POLR3B: variants seen among roughly 807,000 people sequenced by gnomAD.
POLR3B encodes DNA-directed RNA polymerase III subunit RPC2.
POLR3B carries 96 observed loss-of-function variants against 147.4 expected under a neutral mutation model. The ratio of observed to expected loss-of-function variants is 0.65; its 90% CI spans 0.55 to 0.77. The LOEUF (loss-of-function observed/expected upper bound fraction) is 0.77. POLR3B is among the 30% of genes least tolerant of loss of function. The pLI, the probability that POLR3B is intolerant of heterozygous loss-of-function variation, is 0.00. For missense variants in POLR3B, 1,036 were observed against 1,413.5 expected, an observed-to-expected ratio of 0.73 and a Z score of 4.28; for synonymous variants, 461 against 485.9, an observed-to-expected ratio of 0.95 and a Z score of 0.67.
chr12:106,446,189 C>G (rs751652457), intron 19 of POLR3B: 1 of 455,236 alleles, frequency 2.2e-6, no homozygotes, highest in Non-Finnish European at 4.4e-6. Context: ...TTTACCAAAC[C>G]ATTTTGTTTC....
At chr12:106,359,329 C>CT (rs1342341768) in intron 1 of POLR3B, among the ~76,000 whole-genome samples, 40 of 116,092 alleles carry the variant, frequency 3.4e-4, no homozygotes, top group Admixed American at 1.2e-3. Flanking sequence ...TCAGGCAAAA[C>CT]TATTTTTTTT....
chr12:106,478,276 T>C (rs542394289), intron 23 of POLR3B, among the ~76,000 whole-genome samples: 2 of 152,286 alleles, frequency 1.3e-5, no homozygotes, highest in Admixed American at 1.3e-4. Flanking sequence ...GGCGTCTAGG[T>C]AAAACGTCAG....
chr12:106,414,778 A>C (rs1338134208), intron 12 of POLR3B, among the ~76,000 whole-genome samples: 2 of 152,182 alleles, frequency 1.3e-5, no homozygotes, highest in Admixed American at 1.3e-4. Flanking sequence ...GAGGACAGAG[A>C]CTGTATCTTT....
intron 20 of POLR3B, among the ~76,000 whole-genome samples, chr12:106,455,952 G>A (rs1045355734): frequency 6.6e-6 from 1 of 152,122 alleles, no homozygotes; most frequent in Non-Finnish European, 1.5e-5. Context: ...TTACCTGATT[G>A]ATTTCTAAAG....
chr12:106,421,713 T>A (rs556323133), intron 12 of POLR3B, among the ~76,000 whole-genome samples: 225 of 151,840 alleles, frequency 1.5e-3, no homozygotes, highest in African/African-American at 4.3e-3. Flanking sequence ...ATATATATAT[T>A]TTTTGAGACA....
chr12:106,496,517 CT>C, intron 24 of POLR3B: 1 of 603,520 alleles, frequency 1.7e-6, no homozygotes, highest in Middle Eastern at 4.4e-4. Flanking sequence ...GGACAAGTTG[CT>C]TATCCTTCCC....
At chr12:106,414,621 A>C (rs1409210286) in intron 12 of POLR3B, among the ~76,000 whole-genome samples, 2 of 151,848 alleles carry the variant, frequency 1.3e-5, no homozygotes, top group African/African-American at 2.4e-5. Context: ...ATTGCTCCCT[A>C]CTCCCTACCA....
intron 1 of POLR3B, among the ~76,000 whole-genome samples, chr12:106,358,709 C>T (rs148266194): frequency 1.3e-5 from 2 of 152,136 alleles, no homozygotes; most frequent in Admixed American, 6.5e-5. Flanking sequence ...CTTGAAACCT[C>T]CTCGGCAAGA....
Position 106,510,193 on chromosome 12 carries a change from A to G in POLR3B, c.*644A>G, listed in dbSNP as rs929042898. On this transcript the variant is annotated 3_prime_UTR_variant, in exon 28 of 28. Coordinates refer to ENST00000228347, the MANE Select transcript of POLR3B (RefSeq NM_018082.6). Reference sequence around the variant, plus strand: ...GCAATACTATTCGTTAAATATCTGAATCTAACCCCGTGGCTGCTTTGTCAT... The same window carrying G: ...GCAATACTATTCGTTAAATATCTGAGTCTAACCCCGTGGCTGCTTTGTCAT... 1 of 152,962 alleles carries G rather than the reference A, an allele frequency of 6.5e-6. No homozygotes were observed. The highest frequency in any genetic ancestry group is 2.4e-5 in the African/African-American group (1 of 41,424). 9.5% of individuals were successfully genotyped at this position (152,962 alleles called of 1,614,324 possible).
chr12:106,477,553 A>T (rs370338010), intron 23 of POLR3B, among the ~76,000 whole-genome samples: 2 of 151,358 alleles, frequency 1.3e-5, no homozygotes, highest in East Asian at 3.9e-4. Flanking sequence ...CAGGTGTGGG[A>T]TATAGTCTCG....
intron 11 of POLR3B, among the ~76,000 whole-genome samples, chr12:106,407,859 T>G (rs1413785346): frequency 1.3e-5 from 2 of 152,142 alleles, no homozygotes; most frequent in Non-Finnish European, 2.9e-5. Flanking sequence ...TGCTTTTCTG[T>G]GGTTGCATGG....
intron 25 of POLR3B, chr12:106,500,253 T>C: frequency 2.3e-6 from 1 of 441,574 alleles, no homozygotes; most frequent in East Asian, 7.0e-5. Flanking sequence ...TTGTTCTTGC[T>C]CCAGATTAAT....
In POLR3B at chr12:106,457,243, G is replaced by A. The variant is rs1265049048; in HGVS notation, c.2399G>A (p.Arg800Lys). 3 of 1,613,728 alleles carry A rather than the reference G, an allele frequency of 1.9e-6. No individual in the cohort carries two copies. In the African/African-American group the frequency reaches 4.0e-5, roughly 22 times the overall value. The part of the protein sequence containing the change: ...VMGPMLDAAT[R>K]KPIWRHEILD... Reference sequence around the variant, plus strand: ...GGGCCCATGTTGGATGCTGCTACAAGGAAACCTATCTGGCGACATGAAATC... The same window carrying A: ...GGGCCCATGTTGGATGCTGCTACAAAGAAACCTATCTGGCGACATGAAATC... The change falls in exon 21 of 28, where the codon AGG becomes AAG. Residue 800 changes from arginine to lysine, a missense_variant. This residue lies in a region of POLR3B where 202 missense variants were observed against 272.8 expected (regional missense o/e 0.74). Coordinates refer to ENST00000228347, the MANE Select transcript of POLR3B (RefSeq NM_018082.6).
At chr12:106,451,646 GA>G (rs2037798812) in intron 19 of POLR3B, among the ~76,000 whole-genome samples, 1 of 109,936 alleles carries the variant, frequency 9.1e-6, no homozygotes, top group African/African-American at 4.0e-5. Context: ...GGGGGGAGGA[GA>G]GGGGAGGGAA....
chr12:106,503,059 G>A (rs545959708), intron 26 of POLR3B, among the ~76,000 whole-genome samples: 72 of 152,198 alleles, frequency 4.7e-4, no homozygotes, highest in Non-Finnish European at 4.9e-4. Flanking sequence ...CCTTTACCTC[G>A]TTCACTGACC....
At chr12:106,357,974 G>T (rs770237007) in intron 1 of POLR3B, 23 bp downstream of exon 1, 2 of 1,610,576 alleles carry the variant, frequency 1.2e-6, no homozygotes, top group East Asian at 2.2e-5. Flanking sequence ...CACGCAGGGA[G>T]CGTCAGGGAC....
chr12:106,369,744 C>T, intron 6 of POLR3B, 61 bp downstream of exon 6: 1 of 1,059,400 alleles, frequency 9.4e-7, no homozygotes. Flanking sequence ...TGATGTGATC[C>T]CATTTCCTCA....
chr12:106,393,038 G>T lies in POLR3B; in HGVS notation c.731G>T (p.Gly244Val), dbSNP rs199782156. The T allele has an allele frequency of 9.9e-6, 16 of 1,614,178 alleles. No individual in the cohort carries two copies. Among genetic ancestry groups the T allele is most frequent in the Non-Finnish European group, 1.3e-5 (15 of 1,180,014 alleles). ...CTTTTCTTTCCTTCCTAGGCCATGG[G>T]TGTTGAGAGTGACCAGGAAATTGTG... ...IPIVIIFKAMGVESDQEIVQM... is the reference protein window; with the variant it reads ...IPIVIIFKAMVVESDQEIVQM... The change falls in exon 10 of 28, where the codon GGT becomes GTT. Residue 244 changes from glycine to valine, a missense_variant. Coordinates refer to ENST00000228347, the MANE Select transcript of POLR3B (RefSeq NM_018082.6).
intron 23 of POLR3B, among the ~76,000 whole-genome samples, chr12:106,489,934 A>G (rs11613906): frequency 0.014 from 2,186 of 152,268 alleles, 25 homozygotes; most frequent in South Asian, 0.034. Flanking sequence ...TATGAGCCCC[A>G]TCATAAGGTG....
Sources: allele counts gnomAD v4.1 joint callset (sites outside exome capture counted in the v4.1 genomes callset), GRCh38; gene constraint gnomAD v4.1.1; regional missense constraint gnomAD v4.1.1; transcripts MANE v1.5; gene names NCBI Gene and HGNC (gene_info 2026-07-23, HGNC 2026-07-21).